The following CECR2 variants were observed in gnomAD, a reference collection of about 807,000 sequenced individuals.
CECR2 encodes chromatin remodeling regulator CECR2.
In CECR2, 30 loss-of-function variants were observed where a neutral mutation model predicts 154.5. The observed-to-expected ratio is 0.19, with a 90% CI of 0.15 to 0.26. CECR2 has a LOEUF of 0.26. Among genes scored for constraint, CECR2 ranks in the 10% least tolerant of loss-of-function variants. The pLI is 1.00. For synonymous variants in CECR2, 725 were observed against 683.7 expected (o/e 1.06, Z -0.94); for missense variants, 1,743 against 1,829.3 (o/e 0.95, Z 0.86).
intron 1 of CECR2, among the ~76,000 whole-genome samples, chr22:17,441,085 A>C (rs937424804): frequency 1.3e-5 from 2 of 151,976 alleles, no homozygotes; most frequent in Non-Finnish European, 2.9e-5. Context: ...AGTAGTTGGG[A>C]TTACAGGTGC....
At chr22:17,400,613 G>A (rs2053877353) in intron 1 of CECR2, among the ~76,000 whole-genome samples, 1 of 152,190 alleles carries the variant, frequency 6.6e-6, no homozygotes, top group Non-Finnish European at 1.5e-5. Context: ...AGGCTTAAGA[G>A]CGAAGGGAAA....
chr22:17,467,084 G>A (rs1204525678), intron 1 of CECR2, among the ~76,000 whole-genome samples: 2 of 152,096 alleles, frequency 1.3e-5, no homozygotes. Context: ...TCTTCCTTCC[G>A]CTGTCTAGAT....
At chr22:17,540,331 C>T (rs915751230) in intron 13 of CECR2, 81 bp from the exon 14 acceptor site, 10 of 1,273,412 alleles carry the variant, frequency 7.9e-6, no homozygotes, top group South Asian at 2.0e-5. Flanking sequence ...AGTTCTGTTT[C>T]TATAGTTTCT....
intron 1 of CECR2, among the ~76,000 whole-genome samples, chr22:17,398,204 G>C (rs947548594): frequency 8.1e-6 from 1 of 123,574 alleles, no homozygotes; most frequent in South Asian, 2.2e-4. Context: ...ATAACAAAGT[G>C]GGGGGGGGTA....
chr22:17,510,436 C>T (rs1248173361), intron 7 of CECR2, among the ~76,000 whole-genome samples: 1 of 151,534 alleles, frequency 6.6e-6, no homozygotes, highest in Non-Finnish European at 1.5e-5. Context: ...CACCACTGCA[C>T]TCCATCCTCG....
chr22:17,428,252 GGGAACACAA>G (rs2054361608), intron 1 of CECR2: 2 of 152,068 alleles, frequency 1.3e-5, no homozygotes, highest in Non-Finnish European at 2.9e-5. Flanking sequence ...GCAAAAGTGG[GGGAACACAA>G]ATTGTTAATG....
chr22:17,501,747 C>T (rs1162026485), intron 5 of CECR2, among the ~76,000 whole-genome samples: 2 of 152,122 alleles, frequency 1.3e-5, no homozygotes, highest in Admixed American at 6.6e-5. Context: ...GGATTTCACA[C>T]GTCCTTCGAT....
chr22:17,534,295 C>A (rs2056404197), intron 9 of CECR2, among the ~76,000 whole-genome samples: 1 of 151,986 alleles, frequency 6.6e-6, no homozygotes, highest in Non-Finnish European at 1.5e-5. Context: ...CAGAGCGAGA[C>A]CCCTGTCTCT....
chr22:17,374,470 T>C (rs2063095310), intron 1 of CECR2, among the ~76,000 whole-genome samples: 2 of 152,190 alleles, frequency 1.3e-5, no homozygotes, highest in African/African-American at 4.8e-5. Context: ...TAGGAGACTT[T>C]GTTTTGGTGT....
chr22:17,522,728 C>T (rs757906896), intron 8 of CECR2, among the ~76,000 whole-genome samples: 3 of 152,226 alleles, frequency 2.0e-5, no homozygotes, highest in South Asian at 2.1e-4. Flanking sequence ...AACTGGGCCA[C>T]GCGCCATGGC....
chr22:17,510,155 A>G (rs911833926), intron 7 of CECR2, among the ~76,000 whole-genome samples: 30 of 152,208 alleles, frequency 2.0e-4, no homozygotes, highest in Admixed American at 1.4e-3. Context: ...CACGTTCTGT[A>G]TCAAGAATAG....
chr22:17,445,486 T>G (rs898551934), intron 1 of CECR2, among the ~76,000 whole-genome samples: 8 of 151,826 alleles, frequency 5.3e-5, no homozygotes, highest in Non-Finnish European at 8.8e-5. Flanking sequence ...ATGCTCAATT[T>G]CCTTATATAA....
intron 1 of CECR2, among the ~76,000 whole-genome samples, chr22:17,370,186 A>C (rs1412489825): frequency 4.1e-5 from 6 of 147,944 alleles, no homozygotes; most frequent in Non-Finnish European, 7.5e-5. Flanking sequence ...TGGGAGAGGG[A>C]GCGGGAGCGG....
At chr22:17,499,339 C>A in intron 3 of CECR2, 71 bp from the exon 4 acceptor site, 4 of 1,543,980 alleles carry the variant, frequency 2.6e-6, no homozygotes, top group Non-Finnish European at 3.5e-6. Context: ...AATTTGGAAT[C>A]CTCGTTCTGG....
intron 3 of CECR2, among the ~76,000 whole-genome samples, chr22:17,497,977 T>C (rs1474434458): frequency 6.6e-6 from 1 of 152,214 alleles, no homozygotes; most frequent in Non-Finnish European, 1.5e-5. Flanking sequence ...CTCCAAGAAC[T>C]TGAAACCGTA....
chr22:17,366,904 G>C (rs1260429023), upstream of CECR2, among the ~76,000 whole-genome samples: 1 of 152,210 alleles, frequency 6.6e-6, no homozygotes, highest in African/African-American at 2.4e-5. Context: ...GGCCAGAGTA[G>C]CAGGGTAGGT....
chr22:17,541,938 G>C lies in CECR2; in HGVS notation c.1984G>C (p.Val662Leu). ...GVPEPHPGEP[V>L]QQRQPFTMQP... ...CCCGGAGCCACACCCCGGGGAGCCT[G>C]TGCAGCAGCGTCAGCCTTTCACCAT... Residue 662 changes from valine to leucine, a missense_variant, in exon 15 of 19, where the codon GTG (valine) becomes CTG (leucine). Val to Leu is a conservative substitution (Grantham distance 32). This residue lies in a region of CECR2 where 1,250 missense variants were observed against 1,192.1 expected (regional missense o/e 1.05). Transcript: ENST00000262608. 1.2e-6 allele frequency: 2 copies of C among 1,613,956 alleles called. No homozygotes were observed. The highest frequency in any genetic ancestry group is 1.7e-6 in the Non-Finnish European group (2 of 1,179,862).
intron 8 of CECR2, among the ~76,000 whole-genome samples, chr22:17,521,076 A>G (rs1419231730): frequency 1.3e-5 from 2 of 152,056 alleles, no homozygotes; most frequent in Non-Finnish European, 2.9e-5. Flanking sequence ...AAGCGTTCCT[A>G]TTTCTCCACA....
chr22:17,507,276 G>A lies in CECR2; in HGVS notation c.870+2260G>A, dbSNP rs113834857. 7.2e-3 allele frequency among the ~76,000 whole-genome samples: 1,090 copies of A among 152,236 alleles called. 15 individuals carry two copies. The highest frequency in any genetic ancestry group is 0.038 in the Admixed American group (579 of 15,284). On this transcript the variant is annotated intron_variant, in intron 7 of 18. Transcript: ENST00000262608. Reference sequence around the variant, plus strand: ...CAAACAGTGCTTCAAGACTTCCGCCGTCCTGGATGATCCAGAAAACCTCCG... The same window carrying A: ...CAAACAGTGCTTCAAGACTTCCGCCATCCTGGATGATCCAGAAAACCTCCG...
Sources: gnomAD v4.1 joint callset for allele counts (sites outside exome capture counted in the v4.1 genomes callset) on GRCh38, gnomAD v4.1.1 for gene constraint, gnomAD v4.1.1 regional missense constraint, MANE v1.5 for transcripts, NCBI Gene and HGNC (gene_info 2026-07-23, HGNC 2026-07-21) for gene names.